Variants in ADGRL3 observed in about 807,000 individuals in gnomAD.
ADGRL3 encodes calcium-independent alpha-latrotoxin receptor 3.
In ADGRL3, 62 loss-of-function variants were observed where a neutral mutation model predicts 153.5. The ratio of observed to expected loss-of-function variants is 0.40; its 90% CI spans 0.33 to 0.50. The LOEUF is 0.50. Ranked by LOEUF, ADGRL3 falls within the 20% of genes least tolerant of loss-of-function variation. The pLI, the probability that ADGRL3 is intolerant of heterozygous loss-of-function variation, is 0.47. For missense variants in ADGRL3, 1,641 were observed against 1,859.4 expected, an observed-to-expected ratio of 0.88 and a Z score of 2.16; for synonymous variants, 710 against 672.5, an observed-to-expected ratio of 1.06 and a Z score of -0.86.
At chr4:61,939,972 C>T (rs1345345771) in intron 15 of ADGRL3, among the ~76,000 whole-genome samples, 2 of 148,842 alleles carry the variant, frequency 1.3e-5, no homozygotes, top group Non-Finnish European at 3.0e-5. Flanking sequence ...GGTACATGTG[C>T]ACATTGTGCA....
rs906229471 is a variant in ADGRL3, at chr4:61,418,774, T to C, written c.-174+35585T>C. On this transcript the variant is annotated intron_variant, in intron 2 of 26. Transcript: ENST00000683033. Reference sequence around the variant, plus strand: ...TAATGAAATTAATGTGGCATGGTACTTAATATTATTAATTGTGTTAAATGT... The same window carrying C: ...TAATGAAATTAATGTGGCATGGTACCTAATATTATTAATTGTGTTAAATGT... Among the ~76,000 whole-genome samples, 12 of 150,718 alleles carry C rather than the reference T, an allele frequency of 8.0e-5. 2 individuals carry two copies. Among genetic ancestry groups the C allele is most frequent in the African/African-American group, 2.7e-4 (11 of 40,536 alleles).
At chr4:61,912,194 T>A (rs1357094970) in intron 12 of ADGRL3, among the ~76,000 whole-genome samples, 2 of 152,094 alleles carry the variant, frequency 1.3e-5, no homozygotes, top group African/African-American at 4.8e-5. Flanking sequence ...AATCAAAGAG[T>A]CATAATGAAT....
At chr4:61,893,709 C>CTTT (rs34248874) in intron 10 of ADGRL3, among the ~76,000 whole-genome samples, 1,118 of 97,378 alleles carry the variant, frequency 0.011, 53 homozygotes, top group African/African-American at 0.035. Context: ...ATTTCTTTGC[C>CTTT]TTTTTTTTTT....
At chr4:61,835,389 GAAA>G (rs36093030) in intron 9 of ADGRL3, among the ~76,000 whole-genome samples, 39 of 121,190 alleles carry the variant, frequency 3.2e-4, no homozygotes, top group South Asian at 3.1e-3. Context: ...TGACTGAGAA[GAAA>G]AAAAAAAAAA....
intron 6 of ADGRL3, among the ~76,000 whole-genome samples, chr4:61,728,641 G>A (rs1237039192): frequency 6.6e-6 from 1 of 152,016 alleles, no homozygotes; most frequent in East Asian, 1.9e-4. Context: ...ATTTTAGAAT[G>A]TAAGTCTCTG....
At chr4:61,825,109 T>C (rs1184822221) in intron 9 of ADGRL3, among the ~76,000 whole-genome samples, 1 of 152,174 alleles carries the variant, frequency 6.6e-6, no homozygotes, top group Non-Finnish European at 1.5e-5. Context: ...ATTTCCATTT[T>C]TTAAGACTGC....
intron 15 of ADGRL3, among the ~76,000 whole-genome samples, chr4:61,939,297 T>G (rs536921132): frequency 6.6e-6 from 1 of 152,248 alleles, no homozygotes; most frequent in African/African-American, 2.4e-5. Context: ...GCATTTAGCT[T>G]GGGAATTTGA....
At chr4:61,352,680 C>T (rs972392475) in intron 1 of ADGRL3, among the ~76,000 whole-genome samples, 91 of 152,140 alleles carry the variant, frequency 6.0e-4, no homozygotes, top group African/African-American at 2.0e-3. Flanking sequence ...CCACTGTGCC[C>T]GGCCAAAACA....
intron 1 of ADGRL3, among the ~76,000 whole-genome samples, chr4:61,277,305 G>A (rs9312075): frequency 0.77 from 117,157 of 151,974 alleles, 45,581 homozygotes; most frequent in Middle Eastern, 0.84. Context: ...TTTTTAGAAC[G>A]GTGCATAGAT....
At chr4:61,778,570 C>T (rs1038904444) in intron 8 of ADGRL3, among the ~76,000 whole-genome samples, 4 of 152,182 alleles carry the variant, frequency 2.6e-5, no homozygotes, top group South Asian at 4.1e-4. Context: ...CTGCAACATT[C>T]GGTTTTTTAA....
intron 6 of ADGRL3, among the ~76,000 whole-genome samples, chr4:61,703,162 A>G (rs1167797546): frequency 1.3e-5 from 2 of 152,144 alleles, no homozygotes; most frequent in Non-Finnish European, 1.5e-5. Context: ...TACGTAAATT[A>G]TCCATGCCTC....
intron 8 of ADGRL3, chr4:61,775,665 A>G (rs918055811): frequency 4.6e-6 from 7 of 1,512,412 alleles, no homozygotes; most frequent in African/African-American, 1.4e-5. Context: ...CCAACTTGAC[A>G]TACATCACAG....
intron 5 of ADGRL3, among the ~76,000 whole-genome samples, chr4:61,670,454 G>A (rs892183775): frequency 5.9e-5 from 9 of 151,850 alleles, no homozygotes; most frequent in South Asian, 2.1e-4. Flanking sequence ...TGTTATAATC[G>A]AACATGAGAT....
At position 61,844,385 on chromosome 4, in the gene ADGRL3, A is replaced by G. The variant is rs1438354486; in HGVS notation, c.1480+30496A>G. Among the ~76,000 whole-genome samples, 3 of 150,144 alleles carry G rather than the reference A, an allele frequency of 2.0e-5. No homozygotes were observed. In the East Asian group the frequency reaches 5.9e-4, roughly 30 times the overall value. On this transcript the variant is annotated intron_variant, in intron 9 of 26. Coordinates refer to ENST00000683033, the MANE Select transcript of ADGRL3 (RefSeq NM_001387552.1). ...CAACCTGGTGAAACCCGTCTCTACT[A>G]AAAATGCAAAACTTAGCTAGGCATG...
chr4:61,883,845 G>C (rs1034645119), intron 9 of ADGRL3, among the ~76,000 whole-genome samples: 1 of 152,026 alleles, frequency 6.6e-6, no homozygotes, highest in Admixed American at 6.6e-5. Context: ...CTTCTTGAGG[G>C]TAGTACTCTT....
intron 21 of ADGRL3, among the ~76,000 whole-genome samples, chr4:62,017,156 A>G (rs982392217): frequency 2.0e-5 from 3 of 152,170 alleles, no homozygotes; most frequent in South Asian, 2.1e-4. Context: ...AATTATCTCT[A>G]TACTTCTAAG....
At chr4:61,630,659 T>C (rs952630908) in intron 5 of ADGRL3, among the ~76,000 whole-genome samples, 5 of 152,374 alleles carry the variant, frequency 3.3e-5, no homozygotes, top group African/African-American at 1.2e-4. Context: ...ATGTCTGTAA[T>C]TTAAGAAATC....
In ADGRL3 at chr4:61,665,123, CAGAACTGCCGG is replaced by C. The variant is rs750796694; in HGVS notation, c.474-11702_474-11692del. Among the ~76,000 whole-genome samples the C allele has an allele frequency of 2.3e-3, 354 of 152,218 alleles. 2 individuals are homozygous for C. Among genetic ancestry groups the C allele is most frequent in the Non-Finnish European group, 2.7e-3 (187 of 68,014 alleles). On this transcript the variant is annotated intron_variant, in intron 5 of 26. Coordinates refer to ENST00000683033, the MANE Select transcript of ADGRL3 (RefSeq NM_001387552.1). ...TAGAATATTCTTACTCTTTAAATGG[CAGAACTGCCGG>C]GCGCGGTGGCTCCCGCCTGTAATTC...
intron 5 of ADGRL3, among the ~76,000 whole-genome samples, chr4:61,675,279 G>A (rs376028450): frequency 6.6e-6 from 1 of 151,748 alleles, no homozygotes; most frequent in Admixed American, 6.6e-5. Context: ...TCTCCTTAAG[G>A]AATTAACAGA....
Sources: gnomAD v4.1 joint callset for allele counts (sites outside exome capture counted in the v4.1 genomes callset) on GRCh38, gnomAD v4.1.1 for gene constraint, MANE v1.5 for transcripts, NCBI Gene and HGNC (gene_info 2026-07-23, HGNC 2026-07-21) for gene names.